CDON: variants seen among roughly 807,000 people sequenced by gnomAD.
CDON encodes cell adhesion associated, oncogene regulated, also known as cell adhesion molecule-related/down-regulated by oncogenes.
CDON carries 73 observed loss-of-function variants against 120.9 expected under a neutral mutation model. The ratio of observed to expected loss-of-function variants is 0.60; its 90% CI spans 0.50 to 0.73. The LOEUF is 0.73. Among genes scored for constraint, CDON ranks in the 30% least tolerant of loss-of-function variants. CDON has a pLI of 0.00. For missense variants in CDON, 1,470 were observed against 1,587.3 expected (o/e 0.93, Z 1.26); for synonymous variants, 566 against 573.5 (o/e 0.99, Z 0.19).
chr11:125,995,481 A>C (rs1287081253), intron 12 of CDON, among the ~76,000 whole-genome samples: 4 of 152,248 alleles, frequency 2.6e-5, no homozygotes, highest in Non-Finnish European at 5.9e-5. Context: ...AGCACGGTTT[A>C]ATACGGTGAA....
intron 15 of CDON, among the ~76,000 whole-genome samples, 157 bp downstream of exon 15, chr11:125,989,480 G>A (rs1297042928): frequency 6.6e-6 from 1 of 152,146 alleles, no homozygotes; most frequent in African/African-American, 2.4e-5. Flanking sequence ...AGGTTGCAGC[G>A]AGTTGAGATT....
chr11:126,021,565 AGAG>A (rs774418088), intron 2 of CDON, 45 bp from the exon 3 acceptor site: 6 of 1,551,816 alleles, frequency 3.9e-6, no homozygotes, highest in African/African-American at 1.4e-5. Flanking sequence ...AGGGGAGAAA[AGAG>A]GAGAGAGAAA....
At chr11:126,060,058 C>G (rs77868261) in intron 1 of CDON, among the ~76,000 whole-genome samples, 2,029 of 152,156 alleles carry the variant, frequency 0.013, 34 homozygotes, top group African/African-American at 0.046. Flanking sequence ...AAAGCCCTCC[C>G]CTGTGCTGTT....
At chr11:126,005,670 C>A (rs546790117) in intron 9 of CDON, 89 bp downstream of exon 9, 5 of 1,218,270 alleles carry the variant, frequency 4.1e-6, no homozygotes, top group Non-Finnish European at 6.0e-6. Context: ...CTGTTTCCTG[C>A]CATTCTACAA....
chr11:126,052,948 T>C (rs1441412332), intron 1 of CDON, among the ~76,000 whole-genome samples: 1 of 152,202 alleles, frequency 6.6e-6, no homozygotes, highest in African/African-American at 2.4e-5. Flanking sequence ...GCATAAGTTA[T>C]ATGCAAATAC....
intron 3 of CDON, 87 bp from the exon 4 acceptor site, chr11:126,019,852 C>T: frequency 8.3e-7 from 1 of 1,207,548 alleles, no homozygotes. Context: ...GAAACAACAT[C>T]TGCAGCACGG....
chr11:126,010,441 A>C lies in CDON; in HGVS notation c.1452T>G (p.Ser484=). The change falls in exon 8 of 20, where the codon TCT becomes TCG. Residue 484 remains serine, a synonymous_variant. Coordinates refer to ENST00000531738, the MANE Select transcript of CDON (RefSeq NM_001378964.1). ...YFVLSQAGAS[S]LHIQAVTQEH... ...CCTGAGTCACAGCCTGAATATGGAG[A>C]GAGCTTGCACCAGCTTGGGACAGGA... is the stretch of plus-strand genomic sequence containing the variant. The C allele has an allele frequency of 6.2e-7, 1 of 1,614,098 alleles. No individual in the cohort carries two copies. The highest frequency in any genetic ancestry group is 8.5e-7 in the Non-Finnish European group (1 of 1,179,990).
At chr11:126,025,450 G>T (rs1273634511) in intron 1 of CDON, among the ~76,000 whole-genome samples, 2 of 152,114 alleles carry the variant, frequency 1.3e-5, no homozygotes, top group African/African-American at 4.8e-5. Flanking sequence ...TCCTTCCAGG[G>T]TTCTGCTATA....
At chr11:125,996,723 A>AAAAAAAT (rs1946796995) in intron 12 of CDON, among the ~76,000 whole-genome samples, 3 of 141,212 alleles carry the variant, frequency 2.1e-5, no homozygotes, top group Non-Finnish European at 4.6e-5. Context: ...AAAAAAAAAA[A>AAAAAAAT]GGCTAAGAAA....
intron 17 of CDON, among the ~76,000 whole-genome samples, chr11:125,978,831 C>T (rs1946214334): frequency 6.6e-6 from 1 of 151,556 alleles, no homozygotes; most frequent in Admixed American, 6.6e-5. Context: ...ACATGATAAA[C>T]TCATCTTCAT....
intron 1 of CDON, among the ~76,000 whole-genome samples, chr11:126,056,944 G>A (rs1036142059): frequency 2.0e-5 from 3 of 152,228 alleles, no homozygotes; most frequent in South Asian, 2.1e-4. Flanking sequence ...CTGGACTGGT[G>A]GTTACTTCTG....
intron 1 of CDON, among the ~76,000 whole-genome samples, chr11:126,045,838 CA>C (rs1215899660): frequency 2.0e-5 from 3 of 152,004 alleles, no homozygotes; most frequent in African/African-American, 7.3e-5. Context: ...GGCGTGGTGG[CA>C]CATGCCTGTA....
In CDON at chr11:126,001,810, TGGAGA is replaced by T. The variant is rs1204721889; in HGVS notation, c.2062_2066del (p.Ser688ThrfsTer6). The T allele has an allele frequency of 6.2e-7, 1 of 1,610,810 alleles. No homozygotes were observed. The highest frequency in any genetic ancestry group is 8.5e-7 in the Non-Finnish European group (1 of 1,176,990). Reference sequence around the variant, plus strand: ...CGGGATACTTAGGGATGCCCACGGGTGGAGAGGATGCCTGGGTGTTTTTTGATGAC... The same window carrying T: ...CGGGATACTTAGGGATGCCCACGGGTGGATGCCTGGGTGTTTTTTGATGAC... On this transcript the variant is annotated frameshift_variant, in exon 11 of 20. Coordinates refer to ENST00000531738, the MANE Select transcript of CDON (RefSeq NM_001378964.1). LOFTEE classifies it high-confidence loss of function.
At chr11:125,973,989 G>A (rs561263170) in intron 18 of CDON, among the ~76,000 whole-genome samples, 4 of 151,752 alleles carry the variant, frequency 2.6e-5, no homozygotes, top group South Asian at 2.1e-4. Context: ...TCTGCCTCCC[G>A]GGTTCAAGTG....
At chr11:126,001,275 C>A (rs554014757) in intron 11 of CDON, among the ~76,000 whole-genome samples, 5 of 151,314 alleles carry the variant, frequency 3.3e-5, no homozygotes, top group African/African-American at 1.2e-4. Context: ...ACAACATCTT[C>A]CTCTCAGACT....
intron 2 of CDON, among the ~76,000 whole-genome samples, chr11:126,023,080 T>C (rs1337161409): frequency 6.6e-6 from 1 of 152,220 alleles, no homozygotes; most frequent in Admixed American, 6.5e-5. Context: ...ATTTTATTCC[T>C]GTTCTTTCCA....
Position 126,009,842 on chromosome 11 carries a change from T to A in CDON, c.1552+499A>T, listed in dbSNP as rs372714936. On this transcript the variant is annotated intron_variant, in intron 8 of 19. Transcript: ENST00000531738. ...AAAATCATATATAGTTTTTAAGTCA[T>A]CATCACAAAAAATCAGTAAAATATG... Among the ~76,000 whole-genome samples, 84 of 152,272 alleles carry A rather than the reference T, an allele frequency of 5.5e-4. No individual in the cohort carries two copies. In the South Asian group the frequency reaches 0.016, roughly 30 times the overall value.
intron 18 of CDON, among the ~76,000 whole-genome samples, chr11:125,976,214 A>C (rs1202074373): frequency 6.6e-6 from 1 of 152,220 alleles, no homozygotes; most frequent in Non-Finnish European, 1.5e-5. Flanking sequence ...AAAATCTTTA[A>C]ATTTAATAAT....
At chr11:126,046,750 G>A (rs760621123) in intron 1 of CDON, among the ~76,000 whole-genome samples, 3 of 152,102 alleles carry the variant, frequency 2.0e-5, no homozygotes, top group Non-Finnish European at 2.9e-5. Flanking sequence ...GAAACAAAAC[G>A]GGAGTGTCTG....
Sources: allele counts gnomAD v4.1 joint callset (sites outside exome capture counted in the v4.1 genomes callset), GRCh38; gene constraint gnomAD v4.1.1; transcripts MANE v1.5; gene names NCBI Gene and HGNC (gene_info 2026-07-23, HGNC 2026-07-21).